LYG1: variants seen among roughly 807,000 people sequenced by gnomAD.
LYG1 encodes the protein lysozyme g-like protein 1.
LYG1 carries 17 observed loss-of-function variants against 21.7 expected under a neutral mutation model. The observed-to-expected ratio is 0.78, with a 90% CI of 0.54 to 1.18. LYG1 has a LOEUF of 1.18. Ranked by LOEUF, LYG1 falls within the 50% of genes most tolerant of loss-of-function variation. The pLI, the probability that LYG1 is intolerant of heterozygous loss-of-function variation, is 0.00. For synonymous variants in LYG1, 81 were observed against 87.4 expected (o/e 0.93, Z 0.41); for missense variants, 211 against 238.1 (o/e 0.89, Z 0.75).
intron 1 of LYG1, 141 bp from the exon 2 acceptor site, chr2:99,298,690 A>G (rs1224590071): frequency 6.6e-6 from 1 of 152,284 alleles, no homozygotes; most frequent in Non-Finnish European, 1.5e-5. Flanking sequence ...AATGTGACGT[A>G]TTAACACCTC....
rs763535979 is a variant in LYG1 at position 99,291,316 on chromosome 2, A to G, written c.254T>C (p.Val85Ala). The G allele has an allele frequency of 1.2e-6, 2 of 1,613,562 alleles. No homozygotes were observed. Among genetic ancestry groups the G allele is most frequent in the Non-Finnish European group, 1.7e-6 (2 of 1,179,652 alleles). Residue 85 changes from valine (V) to alanine (A), a missense_variant, in exon 5 of 7, where the codon GTG becomes GCG. Val to Ala is a moderately conservative substitution (Grantham distance 64). Transcript: ENST00000308528. ...CTTCCTGGACAAGACACCAGCGATC[A>G]CGGCAGGATCCATGCAGTACTTTTG... ...IGQKYCMDPA[V>A]IAGVLSRKSP...
intron 5 of LYG1, among the ~76,000 whole-genome samples, chr2:99,290,610 T>G (rs1157592704): frequency 6.6e-6 from 1 of 152,128 alleles, no homozygotes; most frequent in Non-Finnish European, 1.5e-5. Flanking sequence ...AAATCAAGCC[T>G]CATTCTCACC....
At chr2:99,288,532 T>C (rs2094108542) in intron 5 of LYG1, among the ~76,000 whole-genome samples, 2 of 148,574 alleles carry the variant, frequency 1.3e-5, no homozygotes, top group Non-Finnish European at 3.0e-5. Flanking sequence ...GTGTCTCTCT[T>C]TTTCTACATT....
intron 5 of LYG1, among the ~76,000 whole-genome samples, chr2:99,290,122 T>G (rs1177396692): frequency 1.3e-5 from 2 of 152,150 alleles, no homozygotes; most frequent in Non-Finnish European, 2.9e-5. Context: ...CCTCCCAAAG[T>G]GCTGGGATTA....
chr2:99,295,698 A>C lies in LYG1; in HGVS notation c.-28T>G. The C allele has an allele frequency of 4.3e-6, 7 of 1,614,108 alleles. No homozygotes were observed. Among genetic ancestry groups the C allele is most frequent in the Non-Finnish European group, 5.9e-6 (7 of 1,179,984 alleles). ...TGACGATCTGGCTCTACGGCTCCTG[A>C]AACACTTTTAAAACAAAAATTAGCT... On this transcript the variant is annotated 5_prime_UTR_variant, in exon 3 of 7. Transcript: ENST00000308528.
In LYG1 at chr2:99,295,622, A is replaced by T; in HGVS notation, c.43+6T>A. The T allele has an allele frequency of 6.2e-7, 1 of 1,614,058 alleles. No individual in the cohort carries two copies. Among genetic ancestry groups the T allele is most frequent in the Non-Finnish European group, 8.5e-7 (1 of 1,180,010 alleles). On this transcript the variant is annotated splice_donor_region_variant and intron_variant, in intron 3 of 6. Coordinates refer to ENST00000308528, the MANE Select transcript of LYG1 (RefSeq NM_174898.3). ...AAAGTCATTTGTAAAAATCAGCCAC[A>T]CTCACCCATCAGGGCAAGGAGGCCC... is the stretch of plus-strand genomic sequence containing the variant.
At chr2:99,302,939 AC>A (rs2094158810), upstream of LYG1, among the ~76,000 whole-genome samples, 1 of 151,850 alleles carries the variant, frequency 6.6e-6, no homozygotes, top group East Asian at 1.9e-4. Flanking sequence ...AATCAGTTGA[AC>A]CAAGAGGGAG....
intron 5 of LYG1, among the ~76,000 whole-genome samples, chr2:99,287,500 C>T (rs1202663186): frequency 1.3e-5 from 2 of 152,054 alleles, no homozygotes; most frequent in South Asian, 2.1e-4. Flanking sequence ...GTGGAACAAA[C>T]CTGCACATAA....
chr2:99,295,097 A>T (rs1165781849), intron 3 of LYG1, among the ~76,000 whole-genome samples: 1 of 151,448 alleles, frequency 6.6e-6, no homozygotes, highest in Non-Finnish European at 1.5e-5. Context: ...GCAAAATTCC[A>T]TCTCAAAAAA....
intron 4 of LYG1, 74 bp from the exon 5 acceptor site, chr2:99,291,495 A>C: frequency 2.7e-6 from 4 of 1,486,904 alleles, no homozygotes; most frequent in Non-Finnish European, 3.7e-6. Flanking sequence ...GGGAGAGAGA[A>C]AGAACAATCC....
chr2:99,297,229 A>G (rs915188897), intron 2 of LYG1, among the ~76,000 whole-genome samples: 1 of 151,178 alleles, frequency 6.6e-6, no homozygotes, highest in Non-Finnish European at 1.5e-5. Context: ...GAACGCTCAG[A>G]TTTAATCACC....
At chr2:99,301,477 G>A (rs1324107111), upstream of LYG1, among the ~76,000 whole-genome samples, 6 of 64,222 alleles carry the variant, frequency 9.3e-5, no homozygotes, top group Non-Finnish European at 2.2e-4. Context: ...GGGAGGAAGG[G>A]AAGGAAGAAA....
At chr2:99,298,889 T>A (rs1164386846) in intron 1 of LYG1, among the ~76,000 whole-genome samples, 7 of 152,204 alleles carry the variant, frequency 4.6e-5, no homozygotes, top group Admixed American at 4.6e-4. Flanking sequence ...TTTCTTTTTT[T>A]AATTTTTTAA....
intron 2 of LYG1, among the ~76,000 whole-genome samples, chr2:99,297,344 A>G (rs894752895): frequency 3.3e-5 from 5 of 152,202 alleles, no homozygotes; most frequent in South Asian, 2.1e-4. Context: ...GGGTATAGGA[A>G]AAGCTCATGG....
chr2:99,301,390 A>AG (rs2094153359), upstream of LYG1, among the ~76,000 whole-genome samples: 1 of 150,118 alleles, frequency 6.7e-6, no homozygotes, highest in African/African-American at 2.5e-5. Context: ...AAAACAAGGA[A>AG]GGAAGAGAGA....
rs1449980305 is a variant in LYG1, at chr2:99,301,066, C to T, written c.-140G>A. 7.2e-6 allele frequency: 1 copy of T among 138,146 alleles called. No individual in the cohort carries two copies. The highest frequency in any genetic ancestry group is 2.7e-5 in the African/African-American group (1 of 36,414). 8.6% of individuals were successfully genotyped at this position (138,146 alleles called of 1,614,324 possible). A position where few individuals can be genotyped will look rare whatever the true frequency, so the allele number is the denominator to read the frequency against. On this transcript the variant is annotated 5_prime_UTR_variant, in exon 1 of 7. Transcript: ENST00000308528. Reference sequence around the variant, plus strand: ...CACACTCACCTGTCTTCAGTCAGTGCTCCTCCTTAGAGGTGGTGAGCCCAC... The same window carrying T: ...CACACTCACCTGTCTTCAGTCAGTGTTCCTCCTTAGAGGTGGTGAGCCCAC...
At chr2:99,300,876 A>G (rs1468589557) in intron 1 of LYG1, among the ~76,000 whole-genome samples, 174 bp downstream of exon 1, 4 of 123,142 alleles carry the variant, frequency 3.2e-5, no homozygotes, top group Non-Finnish European at 5.0e-5. Context: ...AAATTATTCT[A>G]TCATCTACAA....
intron 6 of LYG1, 46 bp downstream of exon 6, chr2:99,284,641 CT>C: frequency 6.2e-7 from 1 of 1,605,574 alleles, no homozygotes; most frequent in African/African-American, 1.3e-5. Context: ...ATATTTGTCC[CT>C]ATTAATTCTG....
At chr2:99,302,877 G>C (rs575000039), upstream of LYG1, among the ~76,000 whole-genome samples, 8 of 152,190 alleles carry the variant, frequency 5.3e-5, no homozygotes, top group East Asian at 1.6e-3. Context: ...AATTATCCAG[G>C]CATGGTGGCA....
Sources: allele counts gnomAD v4.1 joint callset (sites outside exome capture counted in the v4.1 genomes callset), GRCh38; gene constraint gnomAD v4.1.1; transcripts MANE v1.5; gene names NCBI Gene and HGNC (gene_info 2026-07-23, HGNC 2026-07-21).